The following NR2C2 variants were observed in gnomAD, a reference collection of about 807,000 sequenced individuals.
NR2C2 encodes nuclear receptor subfamily 2 group C member 2, also known as Nuclear hormone receptor TR4.
A neutral mutation model predicts 62.9 loss-of-function variants in NR2C2; 6 were observed. The ratio of observed to expected loss-of-function variants is 0.10; its 90% CI spans 0.05 to 0.19. The LOEUF is 0.19. NR2C2 is among the 10% of genes least tolerant of loss of function. NR2C2 has a pLI of 1.00. For missense variants in NR2C2, 479 were observed against 762.7 expected, an observed-to-expected ratio of 0.63 and a Z score of 4.38; for synonymous variants, 272 against 273.8, an observed-to-expected ratio of 0.99 and a Z score of 0.07.
intron 1 of NR2C2, among the ~76,000 whole-genome samples, chr3:14,965,889 G>C (rs564172347): frequency 8.5e-5 from 13 of 152,138 alleles, no homozygotes; most frequent in Admixed American, 4.6e-4. Context: ...GGCTGGTCTT[G>C]AACTCCTGAC....
At chr3:15,017,615 T>C (rs2041547203) in intron 4 of NR2C2, among the ~76,000 whole-genome samples, 1 of 152,304 alleles carries the variant, frequency 6.6e-6, no homozygotes, top group Non-Finnish European at 1.5e-5. Context: ...AAAGGCCTAG[T>C]CACAGGCTCT....
chr3:14,976,146 GT>G (rs2040197232), intron 1 of NR2C2, among the ~76,000 whole-genome samples: 1 of 152,020 alleles, frequency 6.6e-6, no homozygotes, highest in Admixed American at 6.6e-5. Context: ...TTTCATCTAG[GT>G]TATCCAGTGT....
In NR2C2 at chr3:15,047,888, A is replaced by AT. The variant is rs1397578094; in HGVS notation, c.*4881dup. 1 of 152,226 alleles carries AT rather than the reference A, an allele frequency of 6.6e-6. No individual in the cohort carries two copies. The highest frequency in any genetic ancestry group is 1.5e-5 in the Non-Finnish European group (1 of 68,036). 9.4% of individuals were successfully genotyped at this position (152,226 alleles called of 1,614,324 possible). On this transcript the variant is annotated 3_prime_UTR_variant, in exon 14 of 14. Transcript: ENST00000425241. ...ATAAGAATTGCATTTTAATATGGATATGTGTGCCCTTAAAAGCTACAGATA... is the reference window on the plus strand; with the variant it reads ...ATAAGAATTGCATTTTAATATGGATATTGTGTGCCCTTAAAAGCTACAGATA...
chr3:14,963,990 T>G (rs2039764679), intron 1 of NR2C2, among the ~76,000 whole-genome samples: 2 of 152,186 alleles, frequency 1.3e-5, no homozygotes, highest in Non-Finnish European at 2.9e-5. Flanking sequence ...ACAAATATTT[T>G]ATTATTATAT....
At chr3:14,988,896 G>C (rs2040585099) in intron 1 of NR2C2, among the ~76,000 whole-genome samples, 1 of 152,070 alleles carries the variant, frequency 6.6e-6, no homozygotes, top group African/African-American at 2.4e-5. Flanking sequence ...GTGTGGAGTG[G>C]AAATTTCATC....
intron 1 of NR2C2, among the ~76,000 whole-genome samples, chr3:14,966,232 C>T (rs2039852607): frequency 6.6e-6 from 1 of 152,090 alleles, no homozygotes; most frequent in South Asian, 2.1e-4. Context: ...TTCCCATAGG[C>T]CAGGGAGGAT....
chr3:15,004,419 A>G, intron 2 of NR2C2: 1 of 752,316 alleles, frequency 1.3e-6, no homozygotes. Context: ...TGAAGAATCA[A>G]AGGGATATTG....
intron 1 of NR2C2, among the ~76,000 whole-genome samples, chr3:14,992,696 T>C (rs1185546817): frequency 6.6e-6 from 1 of 152,188 alleles, no homozygotes; most frequent in Non-Finnish European, 1.5e-5. Context: ...ATTTAGTGTT[T>C]AATAAAACAT....
intron 1 of NR2C2, among the ~76,000 whole-genome samples, chr3:14,962,074 G>A (rs1272556918): frequency 1.3e-5 from 2 of 152,196 alleles, no homozygotes; most frequent in African/African-American, 2.4e-5. Flanking sequence ...TACTGTGACA[G>A]GGAACTATCC....
intron 1 of NR2C2, among the ~76,000 whole-genome samples, chr3:14,982,600 A>G (rs1252412066): frequency 6.6e-6 from 1 of 152,076 alleles, no homozygotes; most frequent in African/African-American, 2.4e-5. Flanking sequence ...ATCTTATTGA[A>G]ATTTTATTTT....
chr3:15,033,705 C>T (rs2042037196), intron 10 of NR2C2, among the ~76,000 whole-genome samples: 1 of 138,962 alleles, frequency 7.2e-6, no homozygotes. Context: ...CTGATAGGTA[C>T]CTGAGATTTT....
At chr3:14,965,498 T>C (rs1416951388) in intron 1 of NR2C2, among the ~76,000 whole-genome samples, 1 of 129,560 alleles carries the variant, frequency 7.7e-6, no homozygotes, top group Non-Finnish European at 1.5e-5. Flanking sequence ...TGTATTAACT[T>C]AGTACAACTG....
intron 1 of NR2C2, among the ~76,000 whole-genome samples, chr3:14,966,452 T>G (rs1305598410): frequency 1.3e-5 from 2 of 152,188 alleles, no homozygotes; most frequent in East Asian, 1.9e-4. Context: ...CTGGACGTGG[T>G]GGCGCCTTCC....
At chr3:15,032,303 A>G (rs2042000381) in intron 9 of NR2C2, 76 bp from the exon 10 acceptor site, 2 of 1,595,772 alleles carry the variant, frequency 1.3e-6, no homozygotes, top group Admixed American at 1.7e-5. Flanking sequence ...GAAGCATGAC[A>G]GGGATACATG....
intron 3 of NR2C2, 64 bp from the exon 4 acceptor site, chr3:15,016,088 C>T (rs1423644143): frequency 2.4e-6 from 3 of 1,268,742 alleles, no homozygotes; most frequent in African/African-American, 1.5e-5. Flanking sequence ...AGACGTGAGC[C>T]ACCGTGCCCG....
chr3:14,969,244 CTTTTTTTTTTT>C lies in NR2C2; in HGVS notation c.-40+21347_-40+21357del, dbSNP rs35048015. ...TTTCTTCATTGCCTAAATAAAGATT[CTTTTTTTTTTT>C]TTTTTTTTGAAACAGAGTCTCACTG... On this transcript the variant is annotated intron_variant, in intron 1 of 13. Coordinates refer to ENST00000425241, the MANE Select transcript of NR2C2 (RefSeq NM_001291694.2). Among the ~76,000 whole-genome samples, 3 of 125,812 alleles carry C rather than the reference CTTTTTTTTTTT, an allele frequency of 2.4e-5. No homozygotes were observed. In the Admixed American group the frequency reaches 2.5e-4, roughly 10 times the overall value. 82.5% of individuals were successfully genotyped at this position (125,812 alleles called of 152,430 possible).
chr3:15,026,025 CTT>C (rs553289086), intron 7 of NR2C2: 6 of 145,836 alleles, frequency 4.1e-5, no homozygotes, highest in Admixed American at 6.9e-5. Context: ...TTTTCTTTTT[CTT>C]TTTTTTTTTG....
At chr3:15,017,364 C>G (rs1431850014) in intron 4 of NR2C2, among the ~76,000 whole-genome samples, 4 of 152,196 alleles carry the variant, frequency 2.6e-5, no homozygotes, top group African/African-American at 9.6e-5. Flanking sequence ...ATTGCCCTTT[C>G]CTACAGATTA....
At chr3:14,963,882 CA>C (rs2039761302) in intron 1 of NR2C2, among the ~76,000 whole-genome samples, 1 of 152,072 alleles carries the variant, frequency 6.6e-6, no homozygotes, top group Non-Finnish European at 1.5e-5. Flanking sequence ...TTAGATCAAC[CA>C]TTAACTGAAA....
Sources: gnomAD v4.1 joint callset for allele counts (sites outside exome capture counted in the v4.1 genomes callset) on GRCh38, gnomAD v4.1.1 for gene constraint, MANE v1.5 for transcripts, NCBI Gene and HGNC (gene_info 2026-07-23, HGNC 2026-07-21) for gene names.